Variants in GDA observed in about 807,000 individuals in gnomAD.
GDA encodes the protein cytoplasmic PSD-95 interactor.
A neutral mutation model predicts 59.6 loss-of-function variants in GDA; 18 were observed. The ratio of observed to expected loss-of-function variants is 0.30; its 90% CI spans 0.21 to 0.45. GDA has a LOEUF of 0.45. GDA is among the 20% of genes least tolerant of loss of function. The pLI is 1.00. For missense variants in GDA, 427 were observed against 552.3 expected (o/e 0.77, Z 2.27); for synonymous variants, 201 against 201.1 (o/e 1.00, Z 0.00).
chr9:72,213,711 G>A (rs915527058), intron 4 of GDA, among the ~76,000 whole-genome samples, 175 bp from the exon 5 acceptor site: 2 of 151,590 alleles, frequency 1.3e-5, no homozygotes, highest in African/African-American at 4.9e-5. Context: ...GCTGAGGCAG[G>A]AGAATGGCAT....
chr9:72,174,781 C>G (rs531619652), intron 1 of GDA, among the ~76,000 whole-genome samples: 17 of 148,866 alleles, frequency 1.1e-4, no homozygotes, highest in South Asian at 4.3e-4. Flanking sequence ...GAGAGAGAGA[C>G]AGACAGACAG....
intron 1 of GDA, among the ~76,000 whole-genome samples, chr9:72,172,914 A>T (rs1353873758): frequency 3.3e-5 from 5 of 152,152 alleles, no homozygotes; most frequent in African/African-American, 1.2e-4. Flanking sequence ...TGCTGGAAAT[A>T]CCAAGATACA....
intron 1 of GDA, among the ~76,000 whole-genome samples, chr9:72,162,221 G>T (rs1225556403): frequency 6.6e-6 from 1 of 152,184 alleles, no homozygotes; most frequent in Admixed American, 6.5e-5. Flanking sequence ...CTGATGGAGA[G>T]CAAGGATCTC....
chr9:72,212,882 C>T (rs779332234), intron 4 of GDA, among the ~76,000 whole-genome samples: 3 of 152,082 alleles, frequency 2.0e-5, no homozygotes, highest in Non-Finnish European at 4.4e-5. Context: ...ACTGTTTGCT[C>T]CTTTACCATG....
rs1004253288 is a variant in GDA, at chr9:72,196,870, G to A, written c.212+1282G>A. 2.0e-5 allele frequency among the ~76,000 whole-genome samples: 3 copies of A among 151,334 alleles called. No individual in the cohort carries two copies. In the East Asian group the frequency reaches 5.8e-4, roughly 29 times the overall value. ...TGGTTTTCTGTTCCTGTGTTAGTTT[G>A]CTGAAAGTCATGGCTTCTGGCATCA... On this transcript the variant is annotated intron_variant, in intron 2 of 13. Transcript: ENST00000358399.
intron 1 of GDA, among the ~76,000 whole-genome samples, chr9:72,189,648 C>T (rs771893834): frequency 5.9e-5 from 9 of 152,220 alleles, no homozygotes; most frequent in Non-Finnish European, 1.3e-4. Flanking sequence ...CGATACCAGC[C>T]TGGGCAACGT....
At chr9:72,166,257 A>T (rs913758740) in intron 1 of GDA, among the ~76,000 whole-genome samples, 6 of 152,252 alleles carry the variant, frequency 3.9e-5, no homozygotes, top group Non-Finnish European at 8.8e-5. Flanking sequence ...ATCATTGAGC[A>T]GATAGAGAAA....
chr9:72,223,130 T>C lies in GDA; in HGVS notation c.617T>C (p.Val206Ala). Reference protein sequence around the residue: ...SEMLQKNYSRVKPIVTPRFSL... With the variant: ...SEMLQKNYSRAKPIVTPRFSL... The stretch of plus-strand genomic sequence containing the variant: ...TTTAATTATCTCCAGTATTCTAGAG[T>C]GAAGCCCATAGTGACACCACGTTTT... Residue 206 changes from valine to alanine, a missense_variant, in exon 7 of 14, where the codon GTG becomes GCG. Physicochemically the swap from Val to Ala is moderately conservative, Grantham distance 64. Transcript: ENST00000358399. 2 of 1,569,854 alleles carry C rather than the reference T, an allele frequency of 1.3e-6. No homozygotes were observed. The highest frequency in any genetic ancestry group is 1.3e-5 in the African/African-American group (1 of 74,180).
rs369715252 is a variant in GDA, at chr9:72,213,575, G to A, written c.473-311G>A. 8.6e-4 allele frequency among the ~76,000 whole-genome samples: 130 copies of A among 151,512 alleles called. 2 individuals are homozygous for A. The highest frequency in any genetic ancestry group is 2.7e-3 in the African/African-American group (112 of 41,266). ...TCCCAGCACTTTGGGAGGCCGAGGC[G>A]GGCGGATCACAAGGTCAGGAGATCG... On this transcript the variant is annotated intron_variant, in intron 4 of 13. Transcript: ENST00000358399.
intron 5 of GDA, among the ~76,000 whole-genome samples, chr9:72,214,344 T>G (rs1835812690): frequency 1.3e-5 from 2 of 151,714 alleles, no homozygotes; most frequent in Admixed American, 1.3e-4. Context: ...AATGGCGTGG[T>G]CTCAGCTCAC....
intron 5 of GDA, among the ~76,000 whole-genome samples, chr9:72,216,171 C>G (rs1318237401): frequency 6.6e-6 from 1 of 152,146 alleles, no homozygotes; most frequent in African/African-American, 2.4e-5. Context: ...GCTGAGGGAC[C>G]CTGTGAGCAT....
At chr9:72,200,415 C>T (rs1417670436) in intron 2 of GDA, among the ~76,000 whole-genome samples, 2 of 149,756 alleles carry the variant, frequency 1.3e-5, no homozygotes, top group Non-Finnish European at 3.0e-5. Context: ...CCTCCTTTCT[C>T]GTCCTTTTCC....
In GDA at chr9:72,241,248, G is replaced by C. The variant is rs770555961; in HGVS notation, c.1085G>C (p.Ser362Thr). Reference protein sequence around the residue: ...ILLINKVNEKSLTLKEVFRLA... With the variant: ...ILLINKVNEKTLTLKEVFRLA... ...TTAATTAATAAGGTAAATGAGAAAA[G>C]CCTCACCCTCAAAGAAGTCTTCAGA... Residue 362 changes from serine to threonine, a missense_variant, in exon 11 of 14, where the codon AGC (serine) becomes ACC (threonine). Ser to Thr is a moderately conservative substitution (Grantham distance 58). Transcript: ENST00000358399. 1 of 1,609,112 alleles carries C rather than the reference G, an allele frequency of 6.2e-7. No individual in the cohort carries two copies. Among genetic ancestry groups the C allele is most frequent in the Non-Finnish European group, 8.5e-7 (1 of 1,176,204 alleles).
intron 2 of GDA, among the ~76,000 whole-genome samples, chr9:72,196,548 A>T (rs1833206306): frequency 6.6e-6 from 1 of 151,676 alleles, no homozygotes; most frequent in African/African-American, 2.4e-5. Context: ...GGAAATGGGA[A>T]AACTTTTTTT....
intron 1 of GDA, among the ~76,000 whole-genome samples, chr9:72,161,932 T>C (rs1828685798): frequency 6.6e-6 from 1 of 152,240 alleles, no homozygotes. Flanking sequence ...TTGTAGCCAA[T>C]GTGCTTGAAG....
chr9:72,199,512 TAA>T (rs1833668043), intron 2 of GDA, among the ~76,000 whole-genome samples: 2 of 152,198 alleles, frequency 1.3e-5, no homozygotes, highest in Admixed American at 6.5e-5. Flanking sequence ...ATGAAAAACA[TAA>T]AGTGACTTGA....
intron 1 of GDA, among the ~76,000 whole-genome samples, chr9:72,185,175 C>A (rs1455939356): frequency 2.0e-5 from 3 of 152,192 alleles, no homozygotes; most frequent in Non-Finnish European, 4.4e-5. Flanking sequence ...ATATGGCCCG[C>A]AAAGCCTAAA....
intron 1 of GDA, among the ~76,000 whole-genome samples, chr9:72,190,566 G>A (rs1481637132): frequency 6.6e-6 from 1 of 152,188 alleles, no homozygotes; most frequent in Non-Finnish European, 1.5e-5. Flanking sequence ...TAGGCTATTA[G>A]TAGTTAAGTT....
At chr9:72,149,844 C>T (rs1826935315) in intron 1 of GDA, among the ~76,000 whole-genome samples, 162 bp downstream of exon 1, 2 of 152,200 alleles carry the variant, frequency 1.3e-5, no homozygotes, top group Non-Finnish European at 2.9e-5. Context: ...GCAGAGAGAA[C>T]CCTGGCGCTA....
Sources: gnomAD v4.1 joint callset for allele counts (sites outside exome capture counted in the v4.1 genomes callset) on GRCh38, gnomAD v4.1.1 for gene constraint, MANE v1.5 for transcripts, NCBI Gene and HGNC (gene_info 2026-07-23, HGNC 2026-07-21) for gene names.